The following PDE3B variants were observed in gnomAD, a reference collection of about 807,000 sequenced individuals.
The protein encoded by PDE3B is cGMP-inhibited 3',5'-cyclic phosphodiesterase 3B.
A neutral mutation model predicts 116.8 loss-of-function variants in PDE3B; 66 were observed. The observed-to-expected ratio is 0.56, with a 90% CI of 0.46 to 0.69. The LOEUF (loss-of-function observed/expected upper bound fraction) is 0.69, where lower values mean the gene tolerates loss of function less well. Among genes scored for constraint, PDE3B ranks in the 30% least tolerant of loss-of-function variants. The pLI, the probability that PDE3B is intolerant of heterozygous loss-of-function variation, is 0.00. For missense variants in PDE3B, 1,384 were observed against 1,368.1 expected (o/e 1.01, Z -0.18); for synonymous variants, 595 against 533.6 (o/e 1.12, Z -1.59).
intron 12 of PDE3B, 147 bp downstream of exon 12, chr11:14,844,173 G>A (rs1031777119): frequency 6.5e-6 from 4 of 619,996 alleles, no homozygotes; most frequent in African/African-American, 5.5e-5. Flanking sequence ...ATAACACATG[G>A]CATTAATGTG....
At chr11:14,725,429 C>A (rs1412984938) in intron 1 of PDE3B, among the ~76,000 whole-genome samples, 1 of 137,402 alleles carries the variant, frequency 7.3e-6, no homozygotes, top group African/African-American at 2.8e-5. Context: ...TCCCTTCCTT[C>A]CTTCCTTCCC....
chr11:14,747,635 T>C (rs896733863), intron 1 of PDE3B, among the ~76,000 whole-genome samples: 1 of 152,150 alleles, frequency 6.6e-6, no homozygotes, highest in Non-Finnish European at 1.5e-5. Flanking sequence ...GCATATCGTG[T>C]GCATAATCCC....
the PDE3B span, chr11:14,878,230 A>C: frequency 2.1e-5 from 34 of 1,613,180 alleles, no homozygotes; most frequent in Non-Finnish European, 2.7e-5. Flanking sequence ...GAAACCTCTG[A>C]AGCAATGCTG....
At chr11:14,784,968 A>G (rs1858145666) in intron 2 of PDE3B, among the ~76,000 whole-genome samples, 1 of 152,134 alleles carries the variant, frequency 6.6e-6, no homozygotes, top group South Asian at 2.1e-4. Context: ...TTGAATATGT[A>G]AATATTATAA....
rs1855073394 is a variant in PDE3B at position 14,692,558 on chromosome 11, A to AT, written c.978+47510dup. 2.6e-5 allele frequency among the ~76,000 whole-genome samples: 4 copies of AT among 152,208 alleles called. No individual in the cohort carries two copies. In the South Asian group the frequency reaches 8.3e-4, roughly 32 times the overall value. ...CACATTTTGGTAATTCTTGCGAAAA[A>AT]TTTTTAATTTTTTATTAGTATATCT... On this transcript the variant is annotated intron_variant, in intron 1 of 15. Transcript: ENST00000282096.
intron 7 of PDE3B, among the ~76,000 whole-genome samples, chr11:14,821,828 G>T (rs1469069661): frequency 1.3e-5 from 2 of 151,796 alleles, no homozygotes; most frequent in Non-Finnish European, 1.5e-5. Flanking sequence ...AGGGGAGAAA[G>T]CTTGCCATTA....
chr11:14,683,224 G>A (rs1170301111), intron 1 of PDE3B, among the ~76,000 whole-genome samples: 5 of 152,214 alleles, frequency 3.3e-5, no homozygotes, highest in Non-Finnish European at 7.3e-5. Flanking sequence ...ACAGGCGTGA[G>A]CCACCGTGCC....
chr11:14,836,866 G>A (rs1860072106), intron 11 of PDE3B, among the ~76,000 whole-genome samples: 1 of 152,232 alleles, frequency 6.6e-6, no homozygotes, highest in African/African-American at 2.4e-5. Context: ...CCAGAGTACA[G>A]TGGCTTGATC....
intron 12 of PDE3B, among the ~76,000 whole-genome samples, chr11:14,849,393 A>C (rs1002461904): frequency 3.3e-5 from 5 of 152,124 alleles, no homozygotes; most frequent in African/African-American, 1.2e-4. Context: ...CCTAGAAGAA[A>C]ACCTAGGCAT....
intron 5 of PDE3B, among the ~76,000 whole-genome samples, chr11:14,814,889 G>A (rs1662273962): frequency 6.6e-6 from 1 of 151,988 alleles, no homozygotes; most frequent in South Asian, 2.1e-4. Flanking sequence ...CATGAACCCG[G>A]GAGGTGGAGC....
Position 14,843,897 on chromosome 11 carries a change from G to C in PDE3B, c.2391G>C (p.Glu797Asp), listed in dbSNP as rs777836251. The part of the protein sequence containing the change: ...ISSKSCSNPD[E>D]SYGCLSSNIP... ...CGAAGAGCTGCTCTAATCCTGATGA[G>C]AGTTATGGCTGCCTGTCTTCAAACA... Residue 797 changes from glutamate to aspartate, a missense_variant, in exon 12 of 16, where the codon GAG becomes GAC. Coordinates refer to ENST00000282096, the MANE Select transcript of PDE3B (RefSeq NM_000922.4). 5 of 1,614,016 alleles carry C rather than the reference G, an allele frequency of 3.1e-6. No individual in the cohort carries two copies. In the Admixed American group the frequency reaches 8.3e-5, roughly 27 times the overall value.
In PDE3B at chr11:14,760,848, A is replaced by G. The variant is rs565714192; in HGVS notation, c.979-11089A>G. ...ATGTGATATTTTAATACTTGTATAC[A>G]TTGTGTAACAATCAAATCAGGGTAA... On this transcript the variant is annotated intron_variant, in intron 1 of 15. Transcript: ENST00000282096. Among the ~76,000 whole-genome samples, 147 of 152,310 alleles carry G rather than the reference A, an allele frequency of 9.7e-4. 1 individual carries two copies. The highest frequency in any genetic ancestry group is 1.6e-3 in the Non-Finnish European group (110 of 68,004).
rs75238594 is a variant in PDE3B, at chr11:14,672,755, C to A, written c.978+27702C>A. 5.0e-3 allele frequency among the ~76,000 whole-genome samples: 754 copies of A among 152,014 alleles called. 10 individuals are homozygous for A. Among genetic ancestry groups the A allele is most frequent in the African/African-American group, 0.018 (736 of 41,474 alleles). ...CAGTGGGGAAGGGGAAAGAGAGAGT[C>A]CACAGAGTCCAGATAAATAATTTTA... On this transcript the variant is annotated intron_variant, in intron 1 of 15. Coordinates refer to ENST00000282096, the MANE Select transcript of PDE3B (RefSeq NM_000922.4).
chr11:14,763,012 G>T (rs899450703), intron 1 of PDE3B, among the ~76,000 whole-genome samples: 4 of 152,126 alleles, frequency 2.6e-5, no homozygotes, highest in African/African-American at 7.2e-5. Flanking sequence ...CAGAGAAGAA[G>T]ATACATATAC....
chr11:14,644,971 C>G lies in PDE3B; in HGVS notation c.896C>G (p.Ser299Trp). Reference sequence around the variant, plus strand: ...CCCCGGAGGAGGTCCAGCTGCGTGTCGTTAGGAGAAACTGCAGCCAGTTAC... The same window carrying G: ...CCCCGGAGGAGGTCCAGCTGCGTGTGGTTAGGAGAAACTGCAGCCAGTTAC... ...IRPRRRSSCV[S>W]LGETAASYYG... The change falls in exon 1 of 16, where the codon TCG (serine) becomes TGG (tryptophan). Residue 299 changes from serine (S) to tryptophan (W), a missense_variant. Transcript: ENST00000282096. 4 of 1,613,890 alleles carry G rather than the reference C, an allele frequency of 2.5e-6. No homozygotes were observed. Among genetic ancestry groups the G allele is most frequent in the Non-Finnish European group, 3.4e-6 (4 of 1,179,960 alleles).
Position 14,830,707 on chromosome 11 carries a change from A to G in PDE3B, c.1817A>G (p.Glu606Gly), listed in dbSNP as rs141415728. The change falls in exon 8 of 16, where the codon GAA becomes GGA. Residue 606 changes from glutamate (E) to glycine (G), a missense_variant. Transcript: ENST00000282096. The part of the protein sequence containing the change: ...DCCSGKSGEE[E>G]NIFSKESFKL... ...ATATATTTTTTGAAAGGTGAAGAAG[A>G]AAACATTTTCTCGAAAGAATCATTC... is the stretch of plus-strand genomic sequence containing the variant. The G allele has an allele frequency of 4.8e-6, 7 of 1,466,118 alleles. No individual in the cohort carries two copies. In the Admixed American group the frequency reaches 9.9e-5, roughly 21 times the overall value. The allele number at this position is 1,466,118 out of a possible 1,614,324, so 90.8% of individuals were successfully genotyped here.
At chr11:14,667,708 G>C (rs1019567070) in intron 1 of PDE3B, among the ~76,000 whole-genome samples, 2 of 151,352 alleles carry the variant, frequency 1.3e-5, no homozygotes, top group Admixed American at 6.6e-5. Context: ...GGAGGGTGGA[G>C]GGATAGCATT....
intron 7 of PDE3B, among the ~76,000 whole-genome samples, chr11:14,824,601 GA>G (rs1299385734): frequency 6.6e-6 from 1 of 152,124 alleles, no homozygotes; most frequent in African/African-American, 2.4e-5. Flanking sequence ...TAAAAAGAAT[GA>G]AAAGGAATGA....
At chr11:14,693,466 T>C (rs1258387896) in intron 1 of PDE3B, among the ~76,000 whole-genome samples, 1 of 152,218 alleles carries the variant, frequency 6.6e-6, no homozygotes, top group Non-Finnish European at 1.5e-5. Context: ...TAGAGACTAA[T>C]GCAGCTGATA....
Sources: gnomAD v4.1 joint callset for allele counts (sites outside exome capture counted in the v4.1 genomes callset) on GRCh38, gnomAD v4.1.1 for gene constraint, MANE v1.5 for transcripts, NCBI Gene and HGNC (gene_info 2026-07-23, HGNC 2026-07-21) for gene names.